Variants in KCTD8 observed in about 807,000 individuals in gnomAD.
KCTD8 encodes the protein BTB/POZ domain-containing protein KCTD8.
KCTD8 carries 27 observed loss-of-function variants against 31.5 expected under a neutral mutation model. The observed-to-expected ratio is 0.86, with a 90% CI of 0.63 to 1.18. KCTD8 has a LOEUF of 1.18. Among genes scored for constraint, KCTD8 ranks in the 50% most tolerant of loss-of-function variants. The pLI is 0.00. For synonymous variants in KCTD8, 290 were observed against 280.0 expected (o/e 1.04, Z -0.36); for missense variants, 658 against 647.7 (o/e 1.02, Z -0.17).
intron 1 of KCTD8, among the ~76,000 whole-genome samples, chr4:44,319,025 G>A (rs1287512630): frequency 1.3e-5 from 2 of 152,202 alleles, no homozygotes; most frequent in African/African-American, 2.4e-5. Context: ...ACGCAATCTA[G>A]AAATTGATGG....
intron 1 of KCTD8, among the ~76,000 whole-genome samples, chr4:44,181,223 CCACGG>C: frequency 9.1e-6 from 1 of 110,454 alleles, no homozygotes; most frequent in African/African-American, 4.1e-5. Context: ...CCCTCTCTTT[CCACGG>C]TCTCCCTCTC....
rs534222237 is a variant in KCTD8, at chr4:44,347,002, G to A, written c.961+100561C>T. 7.2e-5 allele frequency among the ~76,000 whole-genome samples: 11 copies of A among 152,256 alleles called. No individual in the cohort carries two copies. In the South Asian group the frequency reaches 2.1e-3, roughly 29 times the overall value. On this transcript the variant is annotated intron_variant, in intron 1 of 1. Coordinates refer to ENST00000360029, the MANE Select transcript of KCTD8 (RefSeq NM_198353.3). ...AGCATTGTCTAGAGTTCTTCAGATT[G>A]AGGTACTCCAAGACACGTTATATTG...
intron 1 of KCTD8, among the ~76,000 whole-genome samples, chr4:44,246,347 C>A (rs560222279): frequency 6.6e-6 from 1 of 152,110 alleles, no homozygotes; most frequent in South Asian, 2.1e-4. Flanking sequence ...TTTCTCTCTA[C>A]CTCTGAGCAT....
At chr4:44,225,435 C>T (rs1281112966) in intron 1 of KCTD8, among the ~76,000 whole-genome samples, 1 of 152,174 alleles carries the variant, frequency 6.6e-6, no homozygotes, top group Non-Finnish European at 1.5e-5. Context: ...TTTATGACTA[C>T]TTTCATACTA....
intron 1 of KCTD8, among the ~76,000 whole-genome samples, chr4:44,282,708 C>G (rs962033506): frequency 6.6e-6 from 1 of 151,924 alleles, no homozygotes; most frequent in Non-Finnish European, 1.5e-5. Context: ...AGAAAAAGAG[C>G]CTTATTTTTG....
At chr4:44,184,016 G>A (rs190420667) in intron 1 of KCTD8, among the ~76,000 whole-genome samples, 37 of 152,246 alleles carry the variant, frequency 2.4e-4, no homozygotes, top group African/African-American at 8.9e-4. Flanking sequence ...AACATTTACT[G>A]AGCACCTACT....
At chr4:44,204,409 T>C (rs1714242735) in intron 1 of KCTD8, among the ~76,000 whole-genome samples, 1 of 152,188 alleles carries the variant, frequency 6.6e-6, no homozygotes, top group Non-Finnish European at 1.5e-5. Flanking sequence ...ATGTTATCTA[T>C]AGATTACAGA....
chr4:44,314,897 A>G (rs1718064007), intron 1 of KCTD8, among the ~76,000 whole-genome samples: 1 of 151,090 alleles, frequency 6.6e-6, no homozygotes, highest in East Asian at 1.9e-4. Flanking sequence ...AACAGGAAAA[A>G]AAAAAAACTT....
At chr4:44,182,382 G>A (rs6835883) in intron 1 of KCTD8, among the ~76,000 whole-genome samples, 41,885 of 152,128 alleles carry the variant, frequency 0.28, 6,176 homozygotes, top group East Asian at 0.49. Flanking sequence ...GAGAAATCAG[G>A]TTGTTGCTGT....
chr4:44,227,181 T>C lies in KCTD8; in HGVS notation c.962-51931A>G, dbSNP rs577578705. Among the ~76,000 whole-genome samples the C allele has an allele frequency of 3.4e-3, 523 of 152,312 alleles. 3 individuals are homozygous for C. Among genetic ancestry groups the C allele is most frequent in the African/African-American group, 0.012 (504 of 41,574 alleles). ...GGGTTTTATGGTTTTAGGTTTTATA[T>C]TTAAGTCTTTAATCCATCTTGAGTT... On this transcript the variant is annotated intron_variant, in intron 1 of 1. Transcript: ENST00000360029.
In KCTD8 at chr4:44,391,557, T is replaced by A. The variant is rs553228506; in HGVS notation, c.961+56006A>T. ...TGATTTTCTTAGAAACATTTTCTCT[T>A]CTCTAGGCTAATTTATTATAAGGAT... is the stretch of plus-strand genomic sequence containing the variant. On this transcript the variant is annotated intron_variant, in intron 1 of 1. Transcript: ENST00000360029. Among the ~76,000 whole-genome samples, 82 of 151,742 alleles carry A rather than the reference T, an allele frequency of 5.4e-4. No homozygotes were observed. In the Middle Eastern group the frequency reaches 0.01, roughly 19 times the overall value.
At chr4:44,340,867 C>T (rs768036534) in intron 1 of KCTD8, among the ~76,000 whole-genome samples, 30 of 151,788 alleles carry the variant, frequency 2.0e-4, no homozygotes, top group South Asian at 6.2e-4. Context: ...GGAAAAGATA[C>T]GGTGAAATTA....
chr4:44,179,065 T>C (rs1213654372), intron 1 of KCTD8, among the ~76,000 whole-genome samples: 5 of 152,118 alleles, frequency 3.3e-5, no homozygotes, highest in African/African-American at 1.2e-4. Context: ...TTTACATGTG[T>C]GTAGAATGAT....
At position 44,175,003 on chromosome 4, in the gene KCTD8, T is replaced by G; in HGVS notation, c.1209A>C (p.Pro403=). Residue 403 remains proline (P), a synonymous_variant, in exon 2 of 2, where the codon CCA becomes CCC. Transcript: ENST00000360029. ...SKKAPVQWIP[P]PDKRRNSELF... ...GTTCACTGTTTCTGCGTTTGTCTGG[T>G]GGGGGTATCCATTGTACAGGTGCTT... 6.2e-7 allele frequency: 1 copy of G among 1,614,116 alleles called. No homozygotes were observed. Among genetic ancestry groups the G allele is most frequent in the Non-Finnish European group, 8.5e-7 (1 of 1,179,990 alleles).
intron 1 of KCTD8, among the ~76,000 whole-genome samples, chr4:44,407,937 G>A (rs945481242): frequency 6.6e-6 from 1 of 152,100 alleles, no homozygotes; most frequent in Non-Finnish European, 1.5e-5. Flanking sequence ...CTCTACACAA[G>A]GAGTACCCTC....
At chr4:44,302,593 A>G (rs1044400995) in intron 1 of KCTD8, among the ~76,000 whole-genome samples, 4 of 151,986 alleles carry the variant, frequency 2.6e-5, no homozygotes, top group South Asian at 2.1e-4. Flanking sequence ...TGCTGAAGTT[A>G]CTTATCAGCT....
intron 1 of KCTD8, among the ~76,000 whole-genome samples, chr4:44,325,186 G>A (rs1394433586): frequency 6.6e-6 from 1 of 151,932 alleles, no homozygotes; most frequent in African/African-American, 2.4e-5. Flanking sequence ...TGGTGGTTTG[G>A]GTGGAAGCTG....
At chr4:44,327,725 T>C (rs1718485743) in intron 1 of KCTD8, among the ~76,000 whole-genome samples, 1 of 151,872 alleles carries the variant, frequency 6.6e-6, no homozygotes, top group Non-Finnish European at 1.5e-5. Context: ...TTCCACCATC[T>C]AGCTGTATGA....
At chr4:44,393,532 A>G (rs922963211) in intron 1 of KCTD8, among the ~76,000 whole-genome samples, 2 of 151,486 alleles carry the variant, frequency 1.3e-5, no homozygotes, top group African/African-American at 4.8e-5. Context: ...AAAAAAAAAA[A>G]CACATGAAAA....
Sources: allele counts gnomAD v4.1 joint callset (sites outside exome capture counted in the v4.1 genomes callset), GRCh38; gene constraint gnomAD v4.1.1; transcripts MANE v1.5; gene names NCBI Gene and HGNC (gene_info 2026-07-23, HGNC 2026-07-21).